Variants in NAALADL2 observed in about 807,000 individuals in gnomAD.
NAALADL2 encodes inactive N-acetylated-alpha-linked acidic dipeptidase-like protein 2.
In NAALADL2, 76 loss-of-function variants were observed where a neutral mutation model predicts 87.2. The ratio of observed to expected loss-of-function variants is 0.87; its 90% CI spans 0.72 to 1.05. The LOEUF (loss-of-function observed/expected upper bound fraction) is 1.05. NAALADL2 is among the 50% of genes least tolerant of loss of function. The pLI is 0.00. For missense variants in NAALADL2, 1,089 were observed against 945.8 expected, an observed-to-expected ratio of 1.15 and a Z score of -1.99; for synonymous variants, 354 against 331.0, an observed-to-expected ratio of 1.07 and a Z score of -0.75.
chr3:174,754,228 T>G (rs941756008), intron 3 of NAALADL2, among the ~76,000 whole-genome samples: 7 of 151,244 alleles, frequency 4.6e-5, no homozygotes, highest in Admixed American at 2.6e-4. Flanking sequence ...GAAAATATTT[T>G]TTCTGTATTT....
At chr3:175,474,342 A>G (rs1370145096) in intron 9 of NAALADL2, among the ~76,000 whole-genome samples, 6 of 152,316 alleles carry the variant, frequency 3.9e-5, no homozygotes, top group South Asian at 4.1e-4. Context: ...AGCTAGATAC[A>G]TATAGGATGT....
chr3:175,337,876 T>G (rs1762153785), intron 5 of NAALADL2, among the ~76,000 whole-genome samples: 1 of 152,180 alleles, frequency 6.6e-6, no homozygotes, highest in African/African-American at 2.4e-5. Context: ...CCTGATTAGG[T>G]GTAAGTAACC....
intron 10 of NAALADL2, among the ~76,000 whole-genome samples, chr3:175,591,489 G>A (rs1376132187): frequency 1.3e-5 from 2 of 151,734 alleles, no homozygotes; most frequent in African/African-American, 2.4e-5. Flanking sequence ...ATCCCAATTA[G>A]GTTTAATTGA....
At chr3:174,577,586 A>T (rs1715673182) in intron 2 of NAALADL2, among the ~76,000 whole-genome samples, 1 of 152,160 alleles carries the variant, frequency 6.6e-6, no homozygotes, top group Non-Finnish European at 1.5e-5. Flanking sequence ...CTTTGCAGAG[A>T]TTTTAACTGC....
At chr3:175,140,884 A>T (rs1729893361) in intron 2 of NAALADL2, among the ~76,000 whole-genome samples, 1 of 152,108 alleles carries the variant, frequency 6.6e-6, no homozygotes, top group Non-Finnish European at 1.5e-5. Context: ...CTCATATCTT[A>T]CCCTTTTGCT....
intron 1 of NAALADL2, among the ~76,000 whole-genome samples, chr3:175,005,197 T>A (rs1748849335): frequency 6.6e-6 from 1 of 152,176 alleles, no homozygotes; most frequent in Non-Finnish European, 1.5e-5. Context: ...ATGGGATAGA[T>A]ACTATTATTA....
chr3:175,515,353 A>G (rs932045632), intron 9 of NAALADL2, among the ~76,000 whole-genome samples: 6 of 152,168 alleles, frequency 3.9e-5, no homozygotes, highest in African/African-American at 1.4e-4. Flanking sequence ...TTTCTCTGCA[A>G]TCATTGAGAG....
intron 4 of NAALADL2, among the ~76,000 whole-genome samples, chr3:175,278,873 T>C (rs1184810630): frequency 1.3e-5 from 2 of 152,196 alleles, no homozygotes; most frequent in African/African-American, 4.8e-5. Context: ...ATTCCATCTA[T>C]GTATCCAGGG....
At chr3:175,132,564 AC>A (rs1310834616) in intron 2 of NAALADL2, among the ~76,000 whole-genome samples, 3 of 79,630 alleles carry the variant, frequency 3.8e-5, no homozygotes, top group African/African-American at 1.1e-4. Flanking sequence ...GGGGGGGCTG[AC>A]CCCCCCACCT....
chr3:175,568,032 TATG>T (rs1717489575), intron 9 of NAALADL2, among the ~76,000 whole-genome samples: 1 of 152,078 alleles, frequency 6.6e-6, no homozygotes, highest in Non-Finnish European at 1.5e-5. Context: ...ATTTCTATTT[TATG>T]ATAAGATGAA....
At chr3:174,865,576 A>G (rs1727046499) in intron 1 of NAALADL2, among the ~76,000 whole-genome samples, 1 of 151,950 alleles carries the variant, frequency 6.6e-6, no homozygotes, top group South Asian at 2.1e-4. Flanking sequence ...AAATTTCTCC[A>G]TCACATCCAC....
At chr3:175,181,733 A>ATGTATATGTATG (rs1553802512) in intron 2 of NAALADL2, among the ~76,000 whole-genome samples, 2 of 34,460 alleles carry the variant, frequency 5.8e-5, no homozygotes, top group Non-Finnish European at 1.3e-4. Context: ...ATATGTATAT[A>ATGTATATGTATG]TGTGTATATA....
At chr3:174,636,598 A>G (rs1722670388) in intron 2 of NAALADL2, among the ~76,000 whole-genome samples, 1 of 152,176 alleles carries the variant, frequency 6.6e-6, no homozygotes, top group African/African-American at 2.4e-5. Context: ...TGAAAACCAC[A>G]ATGAGATATC....
At chr3:175,384,525 G>A (rs999472222) in intron 5 of NAALADL2, among the ~76,000 whole-genome samples, 4 of 151,716 alleles carry the variant, frequency 2.6e-5, no homozygotes, top group African/African-American at 9.7e-5. Flanking sequence ...TTGACTCATT[G>A]GATAACAAGA....
At chr3:175,666,443 A>G (rs1018832297) in intron 11 of NAALADL2, among the ~76,000 whole-genome samples, 4 of 152,200 alleles carry the variant, frequency 2.6e-5, no homozygotes, top group African/African-American at 7.2e-5. Flanking sequence ...CTTGTAGTAT[A>G]GAGACAATGT....
chr3:174,919,909 A>C (rs1734920703), intron 1 of NAALADL2, among the ~76,000 whole-genome samples: 1 of 152,092 alleles, frequency 6.6e-6, no homozygotes, highest in African/African-American at 2.4e-5. Flanking sequence ...ATCTCCTTGT[A>C]CACCTCCACT....
rs535956114 is a variant in NAALADL2 at position 175,710,597 on chromosome 3, T to C, written c.1897-26709T>C. On this transcript the variant is annotated intron_variant, in intron 11 of 13. Transcript: ENST00000454872. Reference sequence around the variant, plus strand: ...AAATACGTATTCAGATATATATATATACACATATATAGGCACATATACACA... The same window carrying C: ...AAATACGTATTCAGATATATATATACACACATATATAGGCACATATACACA... Among the ~76,000 whole-genome samples, 98 of 151,102 alleles carry C rather than the reference T, an allele frequency of 6.5e-4. 1 individual carries two copies. The highest frequency in any genetic ancestry group is 3.2e-3 in the Admixed American group (48 of 15,082).
intron 2 of NAALADL2, among the ~76,000 whole-genome samples, chr3:175,106,991 A>G (rs1035548116): frequency 6.6e-6 from 1 of 152,042 alleles, no homozygotes; most frequent in Admixed American, 6.6e-5. Context: ...GAGAGAAAGT[A>G]AAGTTGCTGG....
Position 175,737,283 on chromosome 3 carries a change from T to G in NAALADL2, c.1897-23T>G, listed in dbSNP as rs370266712. 100 of 1,444,458 alleles carry G rather than the reference T, an allele frequency of 6.9e-5. 1 individual carries two copies. The highest frequency in any genetic ancestry group is 1.7e-4 in the Middle Eastern group (1 of 5,774). The allele number at this position is 1,444,458 out of a possible 1,614,324, so 89.5% of individuals were successfully genotyped here. A position where few individuals can be genotyped will look rare whatever the true frequency, so the allele number is the denominator to read the frequency against. ...CTCCTAATTACTGAATGCTAGTATT[T>G]TCTTTTTCCTTTTTTCTTTCAGCTC... On this transcript the variant is annotated intron_variant, in intron 11 of 13. Transcript: ENST00000454872.
Sources: gnomAD v4.1 joint callset for allele counts (sites outside exome capture counted in the v4.1 genomes callset) on GRCh38, gnomAD v4.1.1 for gene constraint, MANE v1.5 for transcripts, NCBI Gene and HGNC (gene_info 2026-07-23, HGNC 2026-07-21) for gene names.